The following PCNT variants were observed in gnomAD, a reference collection of about 807,000 sequenced individuals.
PCNT encodes kendrin.
PCNT carries 319 observed loss-of-function variants against 380.4 expected under a neutral mutation model. The observed-to-expected ratio is 0.84, with a 90% confidence interval of 0.77 to 0.92. The LOEUF is 0.92. Among genes scored for constraint, PCNT ranks in the 40% least tolerant of loss-of-function variants. The pLI is 0.00. For missense variants in PCNT, 4,400 were observed against 4,255.3 expected (o/e 1.03, Z -0.95); for synonymous variants, 1,845 against 1,735.2 (o/e 1.06, Z -1.57).
In PCNT at chr21:46,349,806, G is replaced by C. The variant is rs779903829; in HGVS notation, c.1330G>C (p.Glu444Gln). Reference sequence around the variant, plus strand: ...GTTCAAGTTCAAAGAGAGCGAGAAAGAAAAACAGCTGGAGGTGGGCAGCAG... The same window carrying C: ...GTTCAAGTTCAAAGAGAGCGAGAAACAAAAACAGCTGGAGGTGGGCAGCAG... ...LEFKFKESEK[E>Q]KQLELENLQA... The change falls in exon 8 of 47, where the codon GAA (glutamate) becomes CAA (glutamine). Residue 444 changes from glutamate to glutamine, a missense_variant. By Grantham distance (29) the Glu-to-Gln change is conservative (BLOSUM62 2). Coordinates refer to ENST00000359568, the MANE Select transcript of PCNT (RefSeq NM_006031.6). The C allele has an allele frequency of 1.9e-5, 31 of 1,614,056 alleles. No individual in the cohort carries two copies. The South Asian group carries it at 3.2e-4, about 17-fold the overall frequency.
Position 46,388,906 on chromosome 21 carries a change from G to A in PCNT, c.3607+22G>A, listed in dbSNP as rs2085935009. ...ACAGGTGAGTGTGCCGGGACCAGCT[G>A]CCCAGCCCTGTGCTTGCAGCCCCTC... On this transcript the variant is annotated intron_variant, in intron 18 of 46. Transcript: ENST00000359568. This position sits in a 1 kb window ranked among gnomAD's most constrained non-coding sequence, Gnocchi z 4.2. 1.3e-6 allele frequency: 2 copies of A among 1,578,176 alleles called. No homozygotes were observed. Among genetic ancestry groups the A allele is most frequent in the Non-Finnish European group, 8.6e-7 (1 of 1,168,250 alleles).
intron 38 of PCNT, among the ~76,000 whole-genome samples, chr21:46,434,928 C>T (rs1196319580): frequency 6.6e-6 from 1 of 152,238 alleles, no homozygotes; most frequent in African/African-American, 2.4e-5. Flanking sequence ...TTCTCAGGCT[C>T]CTCTCCTTTG....
rs149001544 is a variant in PCNT at position 46,441,051 on chromosome 21, G to C, written c.9590G>C (p.Arg3197Pro). 6.2e-7 allele frequency: 1 copy of C among 1,613,736 alleles called. No homozygotes were observed. The highest frequency in any genetic ancestry group is 8.5e-7 in the Non-Finnish European group (1 of 1,179,630). The part of the protein sequence containing the change: ...KITSRPFTRF[R>P]TAVRVVIAIL... ...ACATCTCGTCCTTTCACCAGGTTCCGCACGGCCGTCAGGGTGGTCATTGCA... is the reference window on the plus strand; with the variant it reads ...ACATCTCGTCCTTTCACCAGGTTCCCCACGGCCGTCAGGGTGGTCATTGCA... Residue 3197 changes from arginine to proline, a missense_variant, in exon 43 of 47, where the codon CGC becomes CCC. Transcript: ENST00000359568.
chr21:46,429,563 G>A (rs2087663956), intron 35 of PCNT, among the ~76,000 whole-genome samples: 1 of 152,168 alleles, frequency 6.6e-6, no homozygotes, highest in Non-Finnish European at 1.5e-5. Flanking sequence ...TTTGGTCTTG[G>A]TGCTGGGTAG....
chr21:46,434,337 G>A (rs550747848), intron 38 of PCNT, among the ~76,000 whole-genome samples: 17 of 152,360 alleles, frequency 1.1e-4, no homozygotes, highest in Admixed American at 6.5e-4. Context: ...CCTGGTCACC[G>A]CAGTGGCAGG....
chr21:46,422,421 C>CTG (rs2087293259), intron 32 of PCNT, among the ~76,000 whole-genome samples: 1 of 152,074 alleles, frequency 6.6e-6, no homozygotes, highest in African/African-American at 2.4e-5. Context: ...TGCCTCTCTC[C>CTG]CGCCTGTGCC....
chr21:46,432,380 C>G (rs2087807163), intron 38 of PCNT, among the ~76,000 whole-genome samples, 165 bp downstream of exon 38: 1 of 152,252 alleles, frequency 6.6e-6, no homozygotes, highest in African/African-American at 2.4e-5. Context: ...CTGTAGCTTT[C>G]TAGAAAGTAT....
chr21:46,419,772 GCT>G (rs766795815), intron 31 of PCNT, among the ~76,000 whole-genome samples: 59 of 152,112 alleles, frequency 3.9e-4, no homozygotes, highest in Admixed American at 7.9e-4. Context: ...ACAGGGTCTT[GCT>G]CTCTCACGCA....
chr21:46,347,370 T>G, intron 5 of PCNT, 87 bp from the exon 6 acceptor site: 1 of 1,315,866 alleles, frequency 7.6e-7, no homozygotes, highest in South Asian at 1.2e-5. Flanking sequence ...GTCCAGTGGG[T>G]GCCAGAGCCT....
chr21:46,411,483 C>G lies in PCNT; in HGVS notation c.5410C>G (p.Arg1804Gly). 2 of 1,609,384 alleles carry G rather than the reference C, an allele frequency of 1.2e-6. No homozygotes were observed. The highest frequency in any genetic ancestry group is 1.1e-5 in the South Asian group (1 of 90,898). The change falls in exon 28 of 47, where the codon CGG becomes GGG. Residue 1804 changes from arginine (R) to glycine (G), a missense_variant. Transcript: ENST00000359568. The stretch of plus-strand genomic sequence containing the variant: ...GCTGGAAGCCAAGGAGGCCCTGAGC[C>G]GGCTGCTGGCTGACCAGGAGCGCAG... ...AALEAKEALS[R>G]LLADQERRHS...
chr21:46,349,013 C>G lies in PCNT; in HGVS notation c.1034C>G (p.Thr345Ser). The G allele has an allele frequency of 6.4e-7, 1 of 1,561,356 alleles. No individual in the cohort carries two copies. Among genetic ancestry groups the G allele is most frequent in the Non-Finnish European group, 8.8e-7 (1 of 1,132,574 alleles). ...TAATTTTTTTTTCTTTTAAATTAGA[C>G]CCTGAAGGAAGATTGGGAATCTGAA... ...EMEKNAQIVK[T>S]LKEDWESEKD... The change falls in exon 7 of 47, where the codon ACC (threonine) becomes AGC (serine). Residue 345 changes from threonine (T) to serine (S), a missense_variant and splice_region_variant. By Grantham distance (58) the Thr-to-Ser change is moderately conservative (BLOSUM62 1). Transcript: ENST00000359568.
chr21:46,361,118 C>T (rs941380694), intron 13 of PCNT, among the ~76,000 whole-genome samples: 1 of 152,094 alleles, frequency 6.6e-6, no homozygotes, highest in African/African-American at 2.4e-5. Flanking sequence ...TGGCCCGGCA[C>T]GGTGGCTCAG....
intron 15 of PCNT, among the ~76,000 whole-genome samples, chr21:46,372,199 CAG>C (rs757289509): frequency 4.7e-5 from 7 of 150,322 alleles, no homozygotes; most frequent in Non-Finnish European, 7.4e-5. Context: ...AGCACACACA[CAG>C]AGAGCACATG....
In PCNT at chr21:46,388,726, G is replaced by C; in HGVS notation, c.3465-16G>C. 1 of 1,613,412 alleles carries C rather than the reference G, an allele frequency of 6.2e-7. No homozygotes were observed. ...CCGTGACCAGCTTGCCTGATGATGG[G>C]TGTCTCCTGTCTCAGAGGGGCCCTC... On this transcript the variant is annotated splice_polypyrimidine_tract_variant and intron_variant, in intron 17 of 46. Coordinates refer to ENST00000359568, the MANE Select transcript of PCNT (RefSeq NM_006031.6). This position sits in a 1 kb window ranked among gnomAD's most constrained non-coding sequence, Gnocchi z 4.2.
In PCNT at chr21:46,397,424, C is replaced by T; in HGVS notation, c.4376C>T (p.Ala1459Val). 1 of 1,614,178 alleles carries T rather than the reference C, an allele frequency of 6.2e-7. No homozygotes were observed. The change falls in exon 22 of 47, where the codon GCC becomes GTC. Residue 1459 changes from alanine (A) to valine (V), a missense_variant. Coordinates refer to ENST00000359568, the MANE Select transcript of PCNT (RefSeq NM_006031.6). ...QHRGCAKQAE[A>V]VTALEQQVAS... Reference sequence around the variant, plus strand: ...CGCGGGTGTGCCAAGCAGGCGGAGGCCGTCACTGCCCTGGAACAGCAGGTG... The same window carrying T: ...CGCGGGTGTGCCAAGCAGGCGGAGGTCGTCACTGCCCTGGAACAGCAGGTG...
rs112633352 is a variant in PCNT, at chr21:46,425,951, C to T, written c.7300C>T (p.Leu2434Phe). ...GGAAGACGAGATACAGGACATCTCG[C>T]TCCATGGGGGAAAGACGCAGGTTTA... The part of the protein sequence containing the change: ...RKEDEIQDIS[L>F]HGGKTQEVPT... Residue 2434 changes from leucine (L) to phenylalanine (F), a missense_variant, in exon 33 of 47, where the codon CTC (leucine) becomes TTC (phenylalanine). Physicochemically the swap from Leu to Phe is conservative, Grantham distance 22. Coordinates refer to ENST00000359568, the MANE Select transcript of PCNT (RefSeq NM_006031.6). The surrounding 1 kb of genome is among the most constrained non-coding windows in gnomAD (Gnocchi z 4.2). 3.7e-6 allele frequency: 6 copies of T among 1,614,098 alleles called. No homozygotes were observed. The highest frequency in any genetic ancestry group is 5.1e-6 in the Non-Finnish European group (6 of 1,180,028).
intron 16 of PCNT, among the ~76,000 whole-genome samples, chr21:46,383,983 ATGT>A (rs2085712553): frequency 3.5e-5 from 3 of 85,044 alleles, no homozygotes; most frequent in Admixed American, 1.3e-4. Context: ...CGCATTCACC[ATGT>A]TGTATATTCA....
chr21:46,391,651 T>C (rs912367798), intron 21 of PCNT, among the ~76,000 whole-genome samples: 33 of 152,206 alleles, frequency 2.2e-4, no homozygotes, highest in South Asian at 1.0e-3. Context: ...GGGCTCTGAG[T>C]CCAACAGCAG....
At chr21:46,417,623 G>C (rs1311368967) in intron 30 of PCNT, among the ~76,000 whole-genome samples, 3 of 152,158 alleles carry the variant, frequency 2.0e-5, no homozygotes, top group Non-Finnish European at 4.4e-5. Context: ...TAAAAATCAG[G>C]TATGGTTGGG....
Sources: gnomAD v4.1 joint callset for allele counts (sites outside exome capture counted in the v4.1 genomes callset) on GRCh38, gnomAD v4.1.1 for gene constraint, Gnocchi (gnomAD v3.1) non-coding constraint, MANE v1.5 for transcripts, NCBI Gene and HGNC (gene_info 2026-07-23, HGNC 2026-07-21) for gene names.